PKD1L3: variants seen among roughly 807,000 people sequenced by gnomAD.
The protein encoded by PKD1L3 is polycystin 1 like 3, transient receptor potential channel interacting, also known as polycystin-1-like protein 3.
Under a neutral mutation model 184.1 loss-of-function variants are expected in PKD1L3, and 239 were observed. The ratio of observed to expected loss-of-function variants is 1.30; its 90% CI spans 1.17 to 1.45. The LOEUF (loss-of-function observed/expected upper bound fraction) is 1.45. Among genes scored for constraint, PKD1L3 ranks in the 40% most tolerant of loss-of-function variants. The probability of loss-of-function intolerance (pLI) is 0.00; values close to 1 mark genes in which losing one functional copy is unlikely to be tolerated. For missense variants in PKD1L3, 2,660 were observed against 2,067.2 expected (o/e 1.29, Z -5.56); for synonymous variants, 996 against 778.8 (o/e 1.28, Z -4.64).
chr16:71,960,681 AAC>A (rs1221598836), intron 16 of PKD1L3, among the ~76,000 whole-genome samples: 5 of 152,230 alleles, frequency 3.3e-5, no homozygotes, highest in African/African-American at 9.6e-5. Context: ...CTCTATTGGA[AAC>A]ACAGAGATTA....
At chr16:71,934,178 C>T in intron 26 of PKD1L3, 53 bp from the exon 27 acceptor site, 3 of 1,507,772 alleles carry the variant, frequency 2.0e-6, no homozygotes. Flanking sequence ...GCCTATACTG[C>T]AGTTTCCCCA....
intron 17 of PKD1L3, among the ~76,000 whole-genome samples, chr16:71,953,758 C>T (rs577665517): frequency 6.6e-6 from 1 of 152,132 alleles, no homozygotes; most frequent in African/African-American, 2.4e-5. Context: ...AGAAACTGCC[C>T]CCATGATCCA....
intron 15 of PKD1L3, among the ~76,000 whole-genome samples, chr16:71,965,963 T>G (rs1343941118): frequency 6.6e-6 from 1 of 151,940 alleles, no homozygotes; most frequent in African/African-American, 2.4e-5. Context: ...TACTATACAT[T>G]ATTCACTTTT....
chr16:71,978,520 T>C (rs1450920154), intron 9 of PKD1L3, 137 bp from the exon 10 acceptor site: 42 of 116,860 alleles, frequency 3.6e-4, no homozygotes, highest in Non-Finnish European at 5.1e-4. Flanking sequence ...TATATATATA[T>C]ACATACATAC....
At chr16:71,987,856 G>A (rs1024167543) in intron 4 of PKD1L3, among the ~76,000 whole-genome samples, 1 of 152,104 alleles carries the variant, frequency 6.6e-6, no homozygotes, top group Non-Finnish European at 1.5e-5. Flanking sequence ...TCTGCCCATA[G>A]GTTAGTGACG....
intron 16 of PKD1L3, among the ~76,000 whole-genome samples, chr16:71,959,988 G>A (rs571600906): frequency 6.6e-6 from 1 of 152,018 alleles, no homozygotes; most frequent in South Asian, 2.1e-4. Flanking sequence ...AGGCATGGTG[G>A]CACACACCTG....
At chr16:71,986,681 G>A (rs1228849641) in intron 4 of PKD1L3, among the ~76,000 whole-genome samples, 2 of 152,058 alleles carry the variant, frequency 1.3e-5, no homozygotes, top group Non-Finnish European at 1.5e-5. Flanking sequence ...TGTATTTATT[G>A]TCAATCGTTC....
intron 5 of PKD1L3, among the ~76,000 whole-genome samples, chr16:71,985,765 C>T (rs753350243): frequency 6.6e-6 from 1 of 152,128 alleles, no homozygotes; most frequent in Non-Finnish European, 1.5e-5. Context: ...AAAGGTCTTG[C>T]TACGTTGCCC....
intron 16 of PKD1L3, among the ~76,000 whole-genome samples, chr16:71,961,556 A>G (rs2039280075): frequency 8.6e-6 from 1 of 115,768 alleles, no homozygotes; most frequent in African/African-American, 2.8e-5. Context: ...GTTGCCACGC[A>G]GAAGCCATAC....
chr16:71,959,581 A>C (rs1280931573), intron 16 of PKD1L3, among the ~76,000 whole-genome samples: 1 of 152,204 alleles, frequency 6.6e-6, no homozygotes, highest in Non-Finnish European at 1.5e-5. Context: ...GTAATTTAAA[A>C]CATGGGAATT....
Position 71,950,264 on chromosome 16 carries a change from A to C in PKD1L3, c.3237T>G (p.Val1079=), listed in dbSNP as rs143040455. Reference sequence around the variant, plus strand: ...CTAAGTGAGATTTCAGCCTCTGCAGAACTCTATGCAGGTAACAGCAGAAAT... The same window carrying C: ...CTAAGTGAGATTTCAGCCTCTGCAGCACTCTATGCAGGTAACAGCAGAAAT... ...HHHFCCYLHR[V]LQRLKSHLGT... Residue 1079 remains valine (V), a synonymous_variant, in exon 20 of 30, where the codon GTT becomes GTG. Coordinates refer to ENST00000620267, the MANE Select transcript of PKD1L3 (RefSeq NM_181536.2). 4,385 of 1,550,564 alleles carry C rather than the reference A, an allele frequency of 2.8e-3. 12 individuals are homozygous for C. Among genetic ancestry groups the C allele is most frequent in the Non-Finnish European group, 3.3e-3 (3,832 of 1,146,030 alleles).
chr16:71,982,524 A>G (rs909530080), intron 6 of PKD1L3, among the ~76,000 whole-genome samples: 3 of 152,022 alleles, frequency 2.0e-5, no homozygotes, highest in Non-Finnish European at 4.4e-5. Context: ...ACCTCAGGTG[A>G]TCTTCCTACC....
In PKD1L3 at chr16:71,942,569, T is replaced by A; in HGVS notation, c.4315A>T (p.Ile1439Phe). The change falls in exon 24 of 30, where the codon ATC becomes TTC. Residue 1439 changes from isoleucine to phenylalanine, a missense_variant. Physicochemically the swap from Ile to Phe is conservative, Grantham distance 21 (BLOSUM62 0). Transcript: ENST00000620267. ...GGGTCACTCCAGTTACCTCTCATGA[T>A]GTAACTGAATCCATTCTCATTCTTG... ...TSKNENGFSYIMRGAFFTSLR... is the reference protein window; with the variant it reads ...TSKNENGFSYFMRGAFFTSLR... 6.5e-7 allele frequency: 1 copy of A among 1,550,250 alleles called. No homozygotes were observed. Among genetic ancestry groups the A allele is most frequent in the Non-Finnish European group, 8.7e-7 (1 of 1,145,796 alleles).
intron 16 of PKD1L3, among the ~76,000 whole-genome samples, chr16:71,962,175 C>T (rs541564351): frequency 3.5e-4 from 53 of 152,202 alleles, no homozygotes; most frequent in Middle Eastern, 3.4e-3. Context: ...TTGTCCACCT[C>T]GGCCTCCCAA....
chr16:71,985,986 C>T (rs1428112565), intron 5 of PKD1L3, among the ~76,000 whole-genome samples: 1 of 152,154 alleles, frequency 6.6e-6, no homozygotes, highest in Non-Finnish European at 1.5e-5. Context: ...AACTTCTTCC[C>T]CATCTGAAGC....
chr16:71,977,177 C>A, intron 11 of PKD1L3, 59 bp downstream of exon 11: 1 of 1,282,686 alleles, frequency 7.8e-7, no homozygotes, highest in Non-Finnish European at 1.1e-6. Flanking sequence ...GGTGCCACTG[C>A]ACTACATCCT....
chr16:71,935,838 G>C (rs1034039751), intron 25 of PKD1L3, among the ~76,000 whole-genome samples: 4 of 152,180 alleles, frequency 2.6e-5, no homozygotes, highest in African/African-American at 9.7e-5. Context: ...TGCCCAGGCT[G>C]GAGTGCAGTG....
Position 71,999,915 on chromosome 16 carries a change from C to T in PKD1L3, c.64G>A (p.Glu22Lys). ...YIRTSIILGSELNSPAPHGQN... is the reference protein window; with the variant it reads ...YIRTSIILGSKLNSPAPHGQN... Reference sequence around the variant, plus strand: ...CCATGTGGTGCTGGGCTGTTTAGCTCACTTCCTAGAATAATACTTGTTCTG... The same window carrying T: ...CCATGTGGTGCTGGGCTGTTTAGCTTACTTCCTAGAATAATACTTGTTCTG... The change falls in exon 1 of 30, where the codon GAG becomes AAG. Residue 22 changes from glutamate to lysine, a missense_variant. Coordinates refer to ENST00000620267, the MANE Select transcript of PKD1L3 (RefSeq NM_181536.2). 1.9e-6 allele frequency: 3 copies of T among 1,551,422 alleles called. No individual in the cohort carries two copies. The highest frequency in any genetic ancestry group is 8.7e-7 in the Non-Finnish European group (1 of 1,146,718).
intron 21 of PKD1L3, 135 bp downstream of exon 21, chr16:71,949,648 C>T: frequency 1.2e-6 from 1 of 826,670 alleles, no homozygotes; most frequent in Non-Finnish European, 1.9e-6. Context: ...CCACTACACC[C>T]AGCCTGGTTT....
Sources: allele counts gnomAD v4.1 joint callset (sites outside exome capture counted in the v4.1 genomes callset), GRCh38; gene constraint gnomAD v4.1.1; transcripts MANE v1.5; gene names NCBI Gene and HGNC (gene_info 2026-07-23, HGNC 2026-07-21).